CXCL13: variants seen among roughly 807,000 people sequenced by gnomAD.
CXCL13 encodes the protein C-X-C motif chemokine ligand 13.
In CXCL13, 7 loss-of-function variants were observed where a neutral mutation model predicts 12.2. The ratio of observed to expected loss-of-function variants is 0.57; its 90% confidence interval spans 0.33 to 1.07. CXCL13 has a LOEUF of 1.07. Among genes scored for constraint, CXCL13 ranks in the 50% least tolerant of loss-of-function variants. CXCL13 has a pLI of 0.04. For synonymous variants in CXCL13, 47 were observed against 42.4 expected (o/e 1.11, Z -0.42); for missense variants, 113 against 127.4 (o/e 0.89, Z 0.55).
rs1039960909 is a variant in CXCL13 at position 77,589,157 on chromosome 4, T to G, written c.-42-16667T>G. On this transcript the variant is annotated intron_variant, in intron 1 of 4. Transcript: ENST00000286758. ...ATCAACAGTTTCGCATTCCGCAGTT[T>G]GTTATCCACAGCCAATCACAGTCTG... 3.9e-5 allele frequency among the ~76,000 whole-genome samples: 6 copies of G among 152,346 alleles called. No individual in the cohort carries two copies. The East Asian group carries it at 9.6e-4, about 24-fold the overall frequency.
Position 77,570,574 on chromosome 4 carries a change from A to T in CXCL13, c.-42-35250A>T, listed in dbSNP as rs1349748717. Among the ~76,000 whole-genome samples the T allele has an allele frequency of 2.0e-5, 3 of 152,286 alleles. No individual in the cohort carries two copies. The East Asian group carries it at 5.8e-4, about 29-fold the overall frequency. ...GTTCCCACTTTGGCAGCACTTGAGG[A>T]GCCCTTCAGCCCACTGCTGCACCGT... is the stretch of plus-strand genomic sequence containing the variant. On this transcript the variant is annotated intron_variant, in intron 1 of 4. Transcript: ENST00000286758.
chr4:77,611,374 A>G lies in CXCL13; in HGVS notation c.*335A>G, dbSNP rs1727150104. The G allele has an allele frequency of 5.5e-6, 2 of 362,498 alleles. No individual in the cohort carries two copies. Among genetic ancestry groups the G allele is most frequent in the Non-Finnish European group, 9.8e-6 (2 of 205,024 alleles). 22.5% of individuals were successfully genotyped at this position (362,498 alleles called of 1,614,324 possible). On this transcript the variant is annotated 3_prime_UTR_variant, in exon 4 of 4. Coordinates refer to ENST00000682537, the MANE Select transcript of CXCL13 (RefSeq NM_001371558.1). ...TTAGAAAACAATGGAATGAGAATTT[A>G]AGCCTCAAATTTGAACATGTGGCTT...
chr4:77,563,967 G>A (rs190246562), intron 1 of CXCL13, among the ~76,000 whole-genome samples: 1 of 152,114 alleles, frequency 6.6e-6, no homozygotes, highest in African/African-American at 2.4e-5. Context: ...TTGTACTCAG[G>A]GCCAGTTTCG....
intron 1 of CXCL13, among the ~76,000 whole-genome samples, chr4:77,589,381 C>A (rs986856635): frequency 9.9e-5 from 15 of 152,220 alleles, no homozygotes; most frequent in Middle Eastern, 3.4e-3. Context: ...GAGCTACTGT[C>A]TCGGTATCAC....
intron 1 of CXCL13, among the ~76,000 whole-genome samples, chr4:77,571,645 G>GATTT (rs1726082956): frequency 6.6e-6 from 1 of 151,746 alleles, no homozygotes; most frequent in African/African-American, 2.4e-5. Context: ...TCAGTGCCCC[G>GATTT]ACAAAACAAG....
chr4:77,520,344 T>A (rs1276828588), intron 1 of CXCL13, among the ~76,000 whole-genome samples: 1 of 152,224 alleles, frequency 6.6e-6, no homozygotes, highest in East Asian at 1.9e-4. Flanking sequence ...TTCCTACCCA[T>A]GAGCATGGAA....
At chr4:77,550,887 CTGT>C (rs1371709936) in intron 1 of CXCL13, among the ~76,000 whole-genome samples, 3 of 152,028 alleles carry the variant, frequency 2.0e-5, no homozygotes, top group African/African-American at 4.8e-5. Context: ...TCCTTTTTTA[CTGT>C]TGTTGTTTTA....
At chr4:77,534,868 C>A (rs919960893) in intron 1 of CXCL13, among the ~76,000 whole-genome samples, 1 of 152,216 alleles carries the variant, frequency 6.6e-6, no homozygotes, top group East Asian at 1.9e-4. Context: ...ATTTGTGGAA[C>A]CTTTGTTTTG....
At chr4:77,582,080 T>G (rs577130584) in intron 1 of CXCL13, among the ~76,000 whole-genome samples, 28 of 151,912 alleles carry the variant, frequency 1.8e-4, no homozygotes, top group Non-Finnish European at 2.8e-4. Context: ...AAAAAAAACA[T>G]CATTCTATTC....
At chr4:77,550,172 T>G (rs949769043) in intron 1 of CXCL13, among the ~76,000 whole-genome samples, 2 of 152,206 alleles carry the variant, frequency 1.3e-5, no homozygotes, top group African/African-American at 4.8e-5. Flanking sequence ...AATCTCCTAG[T>G]GTGCCACTTG....
chr4:77,515,844 G>A (rs1337886351), intron 1 of CXCL13, among the ~76,000 whole-genome samples: 1 of 152,170 alleles, frequency 6.6e-6, no homozygotes. Flanking sequence ...CCAACACTAT[G>A]TTGAATGGGA....
intron 1 of CXCL13, among the ~76,000 whole-genome samples, chr4:77,513,462 T>C (rs554072007): frequency 6.6e-6 from 1 of 152,202 alleles, no homozygotes; most frequent in African/African-American, 2.4e-5. Flanking sequence ...TGACTTTTTT[T>C]TTTTTTTGAG....
At chr4:77,575,659 T>C (rs1240571838) in intron 1 of CXCL13, among the ~76,000 whole-genome samples, 5 of 151,850 alleles carry the variant, frequency 3.3e-5, no homozygotes, top group Non-Finnish European at 5.9e-5. Context: ...GTATTCCATG[T>C]AAACCTCCAA....
chr4:77,566,915 C>T (rs1303639317), intron 1 of CXCL13, among the ~76,000 whole-genome samples: 1 of 152,200 alleles, frequency 6.6e-6, no homozygotes, highest in Non-Finnish European at 1.5e-5. Flanking sequence ...GCTAAGCCAT[C>T]ATATCCCCTG....
chr4:77,563,996 C>T (rs1388556354), intron 1 of CXCL13, among the ~76,000 whole-genome samples: 1 of 152,164 alleles, frequency 6.6e-6, no homozygotes, highest in East Asian at 1.9e-4. Flanking sequence ...TGACAGACGG[C>T]CCTGCACTTG....
At chr4:77,547,586 G>A (rs1725399078) in intron 1 of CXCL13, among the ~76,000 whole-genome samples, 1 of 151,822 alleles carries the variant, frequency 6.6e-6, no homozygotes, top group South Asian at 2.1e-4. Context: ...CATTTTCTTG[G>A]TAGATCTTCC....
intron 1 of CXCL13, among the ~76,000 whole-genome samples, chr4:77,528,582 A>G (rs1181035128): frequency 2.0e-5 from 3 of 152,200 alleles, no homozygotes; most frequent in Non-Finnish European, 4.4e-5. Flanking sequence ...TCTTCTTTTG[A>G]GAAGTGTCTG....
intron 1 of CXCL13, among the ~76,000 whole-genome samples, chr4:77,590,324 T>C (rs1440627810): frequency 6.6e-6 from 1 of 152,132 alleles, no homozygotes; most frequent in African/African-American, 2.4e-5. Flanking sequence ...AGCAGCGTAA[T>C]AAGTGAGCCA....
chr4:77,580,057 C>A (rs560058781), intron 1 of CXCL13, among the ~76,000 whole-genome samples: 1 of 152,068 alleles, frequency 6.6e-6, no homozygotes, highest in South Asian at 2.1e-4. Context: ...CAGCCAGGTG[C>A]AGGTTGATTA....
Sources: gnomAD v4.1 joint callset for allele counts (sites outside exome capture counted in the v4.1 genomes callset) on GRCh38, gnomAD v4.1.1 for gene constraint, MANE v1.5 for transcripts, NCBI Gene and HGNC (gene_info 2026-07-23, HGNC 2026-07-21) for gene names.